Variants in CCNB2 observed in about 807,000 individuals in gnomAD.
CCNB2 encodes the protein cyclin B2.
Under a neutral mutation model 51.1 loss-of-function variants are expected in CCNB2, and 39 were observed. That is an observed-to-expected ratio of 0.76 (90% CI 0.59 to 1.00). The LOEUF is 1.00. CCNB2 is among the 50% of genes least tolerant of loss of function. The pLI, the probability that CCNB2 is intolerant of heterozygous loss-of-function variation, is 0.00. For missense variants in CCNB2, 472 were observed against 470.3 expected, an observed-to-expected ratio of 1.00 and a Z score of -0.03; for synonymous variants, 174 against 165.5, an observed-to-expected ratio of 1.05 and a Z score of -0.40.
At chr15:59,109,325 G>T (rs775887806) in intron 3 of CCNB2, among the ~76,000 whole-genome samples, 1 of 151,916 alleles carries the variant, frequency 6.6e-6, no homozygotes, top group Non-Finnish European at 1.5e-5. Flanking sequence ...TGCGCCTGGC[G>T]GTAGTATATT....
At chr15:59,109,761 C>T (rs746708902) in intron 3 of CCNB2, among the ~76,000 whole-genome samples, 1 of 152,104 alleles carries the variant, frequency 6.6e-6, no homozygotes, top group Non-Finnish European at 1.5e-5. Context: ...CCGAGGCGGG[C>T]GGATCGCGAG....
Position 59,116,688 on chromosome 15 carries a change from A to T in CCNB2, c.598-2A>T, listed in dbSNP as rs1304511863. 1 of 1,599,848 alleles carries T rather than the reference A, an allele frequency of 6.3e-7. No homozygotes were observed. Among genetic ancestry groups the T allele is most frequent in the Non-Finnish European group, 8.5e-7 (1 of 1,169,698 alleles). ...ACTTTTGTTACATTAATTTTCCATTAGGTTCAGCCAGTTTCCCGGAAGAAG... is the reference window on the plus strand; with the variant it reads ...ACTTTTGTTACATTAATTTTCCATTTGGTTCAGCCAGTTTCCCGGAAGAAG... On this transcript the variant is annotated splice_acceptor_variant, in intron 5 of 8. Transcript: ENST00000288207. LOFTEE classifies it high-confidence loss of function.
In CCNB2 at chr15:59,105,239, G is replaced by A. The variant is rs199506419; in HGVS notation, c.-30G>A. On this transcript the variant is annotated 5_prime_UTR_variant, in exon 1 of 9. Coordinates refer to ENST00000288207, the MANE Select transcript of CCNB2 (RefSeq NM_004701.4). ...TTCAGTCCGCGTCCCTCCCTGGGCC[G>A]GGCTGGCACTCTTGCCTTCCCCGTC... The A allele has an allele frequency of 3.9e-6, 6 of 1,556,370 alleles. No individual in the cohort carries two copies. Among genetic ancestry groups the A allele is most frequent in the East Asian group, 2.4e-5 (1 of 41,670 alleles).
intron 5 of CCNB2, chr15:59,116,076 A>G (rs2079277547): frequency 6.6e-6 from 1 of 151,612 alleles, no homozygotes; most frequent in African/African-American, 2.4e-5. Context: ...AAAAGTACAG[A>G]GTTTGGGAGG....
intron 3 of CCNB2, 146 bp downstream of exon 3, chr15:59,107,816 T>C: frequency 1.6e-6 from 1 of 636,164 alleles, no homozygotes; most frequent in East Asian, 2.7e-5. Context: ...GAAATGAGTA[T>C]ATACACCTTT....
At chr15:59,115,452 C>T (rs542239561) in intron 5 of CCNB2, 1 of 152,500 alleles carries the variant, frequency 6.6e-6, no homozygotes, top group Non-Finnish European at 1.5e-5. Flanking sequence ...TAATCTTCAG[C>T]ATATTTATGA....
intron 1 of CCNB2, among the ~76,000 whole-genome samples, chr15:59,105,835 AAG>A (rs2079233671): frequency 3.9e-5 from 6 of 152,214 alleles, no homozygotes; most frequent in Admixed American, 2.0e-4. Context: ...TCGGCACGCT[AAG>A]TCTTCCATGC....
intron 7 of CCNB2, among the ~76,000 whole-genome samples, chr15:59,117,929 C>A (rs1485650005): frequency 6.6e-6 from 1 of 152,098 alleles, no homozygotes; most frequent in African/African-American, 2.4e-5. Context: ...ACAGAGAGAC[C>A]CTTGTCTCTT....
chr15:59,114,736 C>G lies in CCNB2; in HGVS notation c.457C>G (p.Pro153Ala). Residue 153 changes from proline (P) to alanine (A), a missense_variant, in exon 5 of 9, where the codon CCA becomes GCA. Pro to Ala is a conservative substitution (Grantham distance 27). Transcript: ENST00000288207. ...RQLEVLQSIN[P>A]HFLDGRDING... is the part of the protein sequence containing the mutation. ...CCCACAGGTTTTGCAGTCCATAAAC[C>G]CACATTTCTTAGATGGAAGAGATAT... is the stretch of plus-strand genomic sequence containing the variant. 1 of 1,612,128 alleles carries G rather than the reference C, an allele frequency of 6.2e-7. No homozygotes were observed. Among genetic ancestry groups the G allele is most frequent in the Non-Finnish European group, 8.5e-7 (1 of 1,178,476 alleles).
At chr15:59,112,906 C>T (rs190199621) in intron 3 of CCNB2, among the ~76,000 whole-genome samples, 163 of 151,842 alleles carry the variant, frequency 1.1e-3, no homozygotes, top group Middle Eastern at 3.4e-3. Context: ...TGGTGGAAGG[C>T]GCCTGTAGTC....
At chr15:59,114,409 G>T in intron 3 of CCNB2, 35 bp from the exon 4 acceptor site, 1 of 1,521,116 alleles carries the variant, frequency 6.6e-7, no homozygotes. Context: ...TATGGTTAAG[G>T]CTGCTCCTAC....
chr15:59,124,627 C>T (rs1330195757), intron 8 of CCNB2, 140 bp from the exon 9 acceptor site: 4 of 683,206 alleles, frequency 5.9e-6, no homozygotes, highest in Middle Eastern at 3.8e-4. Context: ...GAGCCCAGAG[C>T]TTTCACTGGC....
In CCNB2 at chr15:59,105,198, G is replaced by A; in HGVS notation, c.-71G>A. ...GAGCAGTCCTAACGGCGCCTCGTAC[G>A]CTAGTGTCCTCCCTTTTCAGTCCGC... is the stretch of plus-strand genomic sequence containing the variant. On this transcript the variant is annotated 5_prime_UTR_variant, in exon 1 of 9. Coordinates refer to ENST00000288207, the MANE Select transcript of CCNB2 (RefSeq NM_004701.4). 2 of 1,453,546 alleles carry A rather than the reference G, an allele frequency of 1.4e-6. No individual in the cohort carries two copies. The highest frequency in any genetic ancestry group is 2.5e-5 in the South Asian group (2 of 81,526). The allele number at this position is 1,453,546 out of a possible 1,614,324, so 90.0% of individuals were successfully genotyped here.
chr15:59,116,710 G>A lies in CCNB2; in HGVS notation c.618G>A (p.Lys206=). ...RFLQVQPVSR[K]KLQLVGITAL... is the part of the protein sequence containing the mutation. ...ATTAGGTTCAGCCAGTTTCCCGGAA[G>A]AAGCTTCAATTAGTTGGGATTACTG... Residue 206 remains lysine (K), a synonymous_variant, in exon 6 of 9, where the codon AAG becomes AAA. Transcript: ENST00000288207. The A allele has an allele frequency of 6.2e-7, 1 of 1,610,962 alleles. No homozygotes were observed.
chr15:59,121,861 G>T (rs921348153), intron 7 of CCNB2, among the ~76,000 whole-genome samples: 5 of 147,084 alleles, frequency 3.4e-5, no homozygotes, highest in African/African-American at 1.3e-4. Context: ...AAACCCGGAA[G>T]GTAGACGTTG....
chr15:59,114,482 A>G lies in CCNB2; in HGVS notation c.306A>G (p.Glu102=). 6.2e-7 allele frequency: 1 copy of G among 1,612,428 alleles called. No individual in the cohort carries two copies. Among genetic ancestry groups the G allele is most frequent in the Non-Finnish European group, 8.5e-7 (1 of 1,179,360 alleles). The change falls in exon 4 of 9, where the codon GAA becomes GAG. Residue 102 remains glutamate, a synonymous_variant. Coordinates refer to ENST00000288207, the MANE Select transcript of CCNB2 (RefSeq NM_004701.4). The stretch of plus-strand genomic sequence containing the variant: ...CACCTGAGGATGTCTCCATGAAGGA[A>G]GAGAATCTCTGCCAAGCTTTTTCTG... ...SPTPEDVSMK[E]ENLCQAFSDA...
Position 59,115,038 on chromosome 15 carries a change from T to C in CCNB2, c.597+162T>C, listed in dbSNP as rs532353093. On this transcript the variant is annotated intron_variant, in intron 5 of 8. Coordinates refer to ENST00000288207, the MANE Select transcript of CCNB2 (RefSeq NM_004701.4). ...ACTAAAAAGGGAAGTAATCCAAGTG[T>C]GTCAAGCCTTTGATGATGCGGACCA... 3.3e-5 allele frequency among the ~76,000 whole-genome samples: 5 copies of C among 152,340 alleles called. No homozygotes were observed. The East Asian group carries it at 7.7e-4, about 23-fold the overall frequency.
At chr15:59,120,358 T>C (rs59398329) in intron 7 of CCNB2, among the ~76,000 whole-genome samples, 7,471 of 152,144 alleles carry the variant, frequency 0.049, 430 homozygotes, top group African/African-American at 0.14. Context: ...CTGGTCATGG[T>C]AGCATGTGCC....
intron 7 of CCNB2, among the ~76,000 whole-genome samples, chr15:59,118,868 A>C (rs2079290213): frequency 6.6e-6 from 1 of 152,232 alleles, no homozygotes; most frequent in African/African-American, 2.4e-5. Context: ...TGTGTGGCCT[A>C]TATGGATATA....
Sources: gnomAD v4.1 joint callset for allele counts (sites outside exome capture counted in the v4.1 genomes callset) on GRCh38, gnomAD v4.1.1 for gene constraint, MANE v1.5 for transcripts, NCBI Gene and HGNC (gene_info 2026-07-23, HGNC 2026-07-21) for gene names.